UBE2E2: variants seen among roughly 807,000 people sequenced by gnomAD.
The protein encoded by UBE2E2 is ubiquitin-conjugating enzyme E2 E2.
UBE2E2 carries 6 observed loss-of-function variants against 24.7 expected under a neutral mutation model. The observed-to-expected ratio is 0.24, with a 90% CI of 0.13 to 0.48. UBE2E2 has a LOEUF of 0.48. Ranked by LOEUF, UBE2E2 falls within the 20% of genes least tolerant of loss-of-function variation. The probability of loss-of-function intolerance (pLI) is 0.99; values close to 1 mark genes in which losing one functional copy is unlikely to be tolerated. For synonymous variants in UBE2E2, 104 were observed against 83.6 expected, an observed-to-expected ratio of 1.24 and a Z score of -1.33; for missense variants, 169 against 245.0, an observed-to-expected ratio of 0.69 and a Z score of 2.07.
chr3:23,419,354 C>T (rs1479986001), intron 3 of UBE2E2, among the ~76,000 whole-genome samples: 1 of 152,154 alleles, frequency 6.6e-6, no homozygotes, highest in African/African-American at 2.4e-5. Context: ...ATATGGGAAG[C>T]AGTTACCACC....
At chr3:23,369,731 G>T (rs1261808783) in intron 3 of UBE2E2, among the ~76,000 whole-genome samples, 1 of 152,150 alleles carries the variant, frequency 6.6e-6, no homozygotes, top group Non-Finnish European at 1.5e-5. Flanking sequence ...AAGGTCCTAT[G>T]AGTCTCCTAC....
chr3:23,497,979 T>A (rs1379945629), intron 3 of UBE2E2, among the ~76,000 whole-genome samples: 2 of 152,238 alleles, frequency 1.3e-5, no homozygotes, highest in African/African-American at 4.8e-5. Context: ...TTTTTGCATT[T>A]GCATTTTGTA....
intron 3 of UBE2E2, among the ~76,000 whole-genome samples, chr3:23,348,984 C>G (rs749618451): frequency 2.0e-5 from 3 of 152,136 alleles, no homozygotes; most frequent in Non-Finnish European, 4.4e-5. Context: ...TGACTATCCC[C>G]TGACCACCCC....
chr3:23,318,301 AC>A (rs1206616742), intron 3 of UBE2E2, among the ~76,000 whole-genome samples: 4 of 152,148 alleles, frequency 2.6e-5, no homozygotes, highest in Non-Finnish European at 5.9e-5. Context: ...AGTAGCTGGG[AC>A]TACCAGCAAC....
At position 23,215,700 on chromosome 3, in the gene UBE2E2, A is replaced by G. The variant is rs528956262; in HGVS notation, c.177-1562A>G. 7.2e-5 allele frequency among the ~76,000 whole-genome samples: 11 copies of G among 152,170 alleles called. No homozygotes were observed. The East Asian group carries it at 2.1e-3, about 29-fold the overall frequency. On this transcript the variant is annotated intron_variant, in intron 2 of 5. Coordinates refer to ENST00000396703, the MANE Select transcript of UBE2E2 (RefSeq NM_152653.4). ...TATTGAAATTTCTCACTCATTGGTG[A>G]CCACCACCCTTCTCTTTGCTGTTTA...
intron 5 of UBE2E2, among the ~76,000 whole-genome samples, chr3:23,567,967 A>G (rs1559424588): frequency 6.6e-6 from 1 of 152,186 alleles, no homozygotes. Flanking sequence ...GAAGATTCAT[A>G]TAACACCCTC....
chr3:23,370,359 G>A (rs1017418707), intron 3 of UBE2E2, among the ~76,000 whole-genome samples: 1 of 152,138 alleles, frequency 6.6e-6, no homozygotes, highest in African/African-American at 2.4e-5. Flanking sequence ...GCATCTTAGA[G>A]TCAAAACATA....
chr3:23,350,881 G>A (rs1408346774), intron 3 of UBE2E2, among the ~76,000 whole-genome samples: 2 of 152,116 alleles, frequency 1.3e-5, no homozygotes, highest in African/African-American at 4.8e-5. Flanking sequence ...AGGAAATACA[G>A]AGAACGCCTC....
Position 23,419,377 on chromosome 3 carries a change from A to G in UBE2E2, c.228-80231A>G, listed in dbSNP as rs146864072. ...AGCAGTTACCACCCCCACACCCTCA[A>G]TGTGTACTCTTTGGTATTGTTCTAC... On this transcript the variant is annotated intron_variant, in intron 3 of 5. Coordinates refer to ENST00000396703, the MANE Select transcript of UBE2E2 (RefSeq NM_152653.4). Among the ~76,000 whole-genome samples the G allele has an allele frequency of 1.1e-4, 17 of 152,298 alleles. No homozygotes were observed. In the East Asian group the frequency reaches 2.1e-3, roughly 19 times the overall value.
intron 4 of UBE2E2, among the ~76,000 whole-genome samples, chr3:23,517,449 A>G (rs562017028): frequency 2.0e-3 from 297 of 152,302 alleles, no homozygotes; most frequent in Non-Finnish European, 3.5e-3. Context: ...CTGTAAACCT[A>G]ACTGTTGAAA....
Position 23,462,437 on chromosome 3 carries a change from C to G in UBE2E2, c.228-37171C>G, listed in dbSNP as rs143081018. 3.9e-3 allele frequency among the ~76,000 whole-genome samples: 593 copies of G among 152,252 alleles called. 5 individuals carry two copies. Among genetic ancestry groups the G allele is most frequent in the Non-Finnish European group, 6.9e-3 (466 of 68,012 alleles). Reference sequence around the variant, plus strand: ...TACTTAGTCCTTTATTGATAGTGTTCATCAGTCTTCACAGGTGTATGATAA... The same window carrying G: ...TACTTAGTCCTTTATTGATAGTGTTGATCAGTCTTCACAGGTGTATGATAA... On this transcript the variant is annotated intron_variant, in intron 3 of 5. Coordinates refer to ENST00000396703, the MANE Select transcript of UBE2E2 (RefSeq NM_152653.4).
chr3:23,487,150 C>T (rs1699390669), intron 3 of UBE2E2, among the ~76,000 whole-genome samples: 1 of 152,238 alleles, frequency 6.6e-6, no homozygotes, highest in Non-Finnish European at 1.5e-5. Flanking sequence ...AGGGGGCTGG[C>T]ATGACAGCAC....
At position 23,547,766 on chromosome 3, in the gene UBE2E2, G is replaced by A. The variant is rs181410474; in HGVS notation, c.508+15065G>A. Among the ~76,000 whole-genome samples the A allele has an allele frequency of 2.9e-4, 44 of 152,294 alleles. 1 individual carries two copies. The East Asian group carries it at 7.9e-3, about 27-fold the overall frequency. On this transcript the variant is annotated intron_variant, in intron 5 of 5. Transcript: ENST00000396703. ...AATAGGAGACATTCTTTTCTCAGTA[G>A]AGATCCCCATGTGGCTGTCACATTC...
intron 3 of UBE2E2, among the ~76,000 whole-genome samples, chr3:23,341,948 T>C (rs1314828536): frequency 6.6e-6 from 1 of 152,170 alleles, no homozygotes; most frequent in Non-Finnish European, 1.5e-5. Flanking sequence ...GTATACATAG[T>C]TCCATATAAC....
chr3:23,213,716 T>C (rs1696390416), intron 2 of UBE2E2, among the ~76,000 whole-genome samples: 1 of 152,156 alleles, frequency 6.6e-6, no homozygotes, highest in Admixed American at 6.5e-5. Flanking sequence ...AAGATAATAG[T>C]TCTCCATCTT....
At chr3:23,415,444 A>G (rs1575614341) in intron 3 of UBE2E2, among the ~76,000 whole-genome samples, 2 of 152,224 alleles carry the variant, frequency 1.3e-5, no homozygotes, top group South Asian at 4.1e-4. Flanking sequence ...CTACCATAGT[A>G]TAGGATGGGA....
intron 3 of UBE2E2, among the ~76,000 whole-genome samples, chr3:23,329,717 T>C (rs1277211609): frequency 6.6e-6 from 1 of 152,260 alleles, no homozygotes; most frequent in Non-Finnish European, 1.5e-5. Context: ...GGCTTAGCTG[T>C]AGTCTTATCT....
chr3:23,233,370 C>A (rs1697020464), intron 3 of UBE2E2, among the ~76,000 whole-genome samples: 1 of 152,054 alleles, frequency 6.6e-6, no homozygotes, highest in Non-Finnish European at 1.5e-5. Context: ...TGTTATGGTC[C>A]TACTTTGCAA....
chr3:23,589,900 CA>C lies in UBE2E2; in HGVS notation c.*70del. On this transcript the variant is annotated 3_prime_UTR_variant, in exon 6 of 6. Transcript: ENST00000396703. This position sits in a 1 kb window ranked among gnomAD's most constrained non-coding sequence, Gnocchi z 4.1. Reference sequence around the variant, plus strand: ...CACCAAGTGCATCGGTAGCCCTGCCCACCCCTCCAGACCTCGGTTCTTATTT... The same window carrying C: ...CACCAAGTGCATCGGTAGCCCTGCCCCCCCTCCAGACCTCGGTTCTTATTT... 6.8e-7 allele frequency: 1 copy of C among 1,478,182 alleles called. No individual in the cohort carries two copies. The highest frequency in any genetic ancestry group is 1.4e-5 in the African/African-American group (1 of 72,368). The allele number at this position is 1,478,182 out of a possible 1,614,324, so 91.6% of individuals were successfully genotyped here. A position where few individuals can be genotyped will look rare whatever the true frequency, so the allele number is the denominator to read the frequency against.
Sources: allele counts gnomAD v4.1 joint callset (sites outside exome capture counted in the v4.1 genomes callset), GRCh38; gene constraint gnomAD v4.1.1; non-coding constraint Gnocchi (gnomAD v3.1); transcripts MANE v1.5; gene names NCBI Gene and HGNC (gene_info 2026-07-23, HGNC 2026-07-21).